The following TNIP3 variants were observed in gnomAD, a reference collection of about 807,000 sequenced individuals.
TNIP3 encodes the protein TNFAIP3 interacting protein 3.
In TNIP3, 34 loss-of-function variants were observed where a neutral mutation model predicts 54.1. That is an observed-to-expected ratio of 0.63 (90% CI 0.48 to 0.84). TNIP3 has a LOEUF of 0.84. Among genes scored for constraint, TNIP3 ranks in the 40% least tolerant of loss-of-function variants. TNIP3 has a pLI of 0.00. For missense variants in TNIP3, 366 were observed against 387.6 expected (o/e 0.94, Z 0.47); for synonymous variants, 134 against 136.8 (o/e 0.98, Z 0.14).
At chr4:121,206,940 A>T (rs1410875524) in intron 2 of TNIP3, among the ~76,000 whole-genome samples, 1 of 152,186 alleles carries the variant, frequency 6.6e-6, no homozygotes, top group African/African-American at 2.4e-5. Flanking sequence ...GGAGTTGTAC[A>T]TGAATTCAAA....
chr4:121,224,264 G>A (rs918571036), intron 1 of TNIP3, among the ~76,000 whole-genome samples: 2 of 152,044 alleles, frequency 1.3e-5, no homozygotes, highest in African/African-American at 4.8e-5. Context: ...TTGGGAGGCT[G>A]AGACAGGAGA....
At chr4:121,172,671 T>C (rs1389368709) in intron 3 of TNIP3, among the ~76,000 whole-genome samples, 1 of 152,240 alleles carries the variant, frequency 6.6e-6, no homozygotes, top group African/African-American at 2.4e-5. Context: ...ATGCTACATC[T>C]GGCAACTCTA....
At chr4:121,157,982 T>A (rs1054460907) in intron 3 of TNIP3, among the ~76,000 whole-genome samples, 1 of 152,198 alleles carries the variant, frequency 6.6e-6, no homozygotes, top group African/African-American at 2.4e-5. Flanking sequence ...ATTCAATACT[T>A]CTGGGTAACA....
intron 2 of TNIP3, among the ~76,000 whole-genome samples, chr4:121,201,217 C>T (rs986987923): frequency 6.6e-6 from 1 of 152,086 alleles, no homozygotes; most frequent in African/African-American, 2.4e-5. Flanking sequence ...AAGGGGACAA[C>T]TGAGTGGCCA....
intron 2 of TNIP3, among the ~76,000 whole-genome samples, chr4:121,197,443 G>A (rs1232063087): frequency 1.3e-5 from 2 of 150,970 alleles, no homozygotes; most frequent in South Asian, 2.1e-4. Flanking sequence ...CAGGGGAATC[G>A]CTTGAGCTTG....
chr4:121,201,942 G>C (rs991300284), intron 2 of TNIP3, among the ~76,000 whole-genome samples: 3 of 152,050 alleles, frequency 2.0e-5, no homozygotes, highest in African/African-American at 7.2e-5. Context: ...GCCCATGCTC[G>C]TGGATGGGTA....
At chr4:121,179,797 G>GA (rs1401100175) in intron 3 of TNIP3, among the ~76,000 whole-genome samples, 1 of 149,170 alleles carries the variant, frequency 6.7e-6, no homozygotes, top group Non-Finnish European at 1.5e-5. Context: ...CACCAGCATA[G>GA]AAAATGTGTG....
At chr4:121,156,980 C>T (rs1165663830) in intron 4 of TNIP3, 114 bp downstream of exon 4, 16 of 1,380,402 alleles carry the variant, frequency 1.2e-5, no homozygotes, top group Non-Finnish European at 1.6e-5. Context: ...GCACATCGGT[C>T]GTTGCTCAGT....
intron 2 of TNIP3, among the ~76,000 whole-genome samples, chr4:121,210,036 A>G (rs540933084): frequency 1.4e-4 from 21 of 152,290 alleles, no homozygotes; most frequent in Middle Eastern, 6.8e-3. Flanking sequence ...ATTTGAACTC[A>G]GGGAGTCTGA....
chr4:121,142,754 T>A lies in TNIP3; in HGVS notation c.758A>T (p.Lys253Ile). 6.2e-7 allele frequency: 1 copy of A among 1,612,674 alleles called. No individual in the cohort carries two copies. Among genetic ancestry groups the A allele is most frequent in the African/African-American group, 1.3e-5 (1 of 75,020 alleles). ...NSQIKACQME[K>I]EKLEKQLKQM... ...TTTTAATTGCTTTTCTAGTTTTTCT[T>A]TCTCCATCTGACAAGCTTTTATCTA... The change falls in exon 8 of 11, where the codon AAA becomes ATA. Residue 253 changes from lysine to isoleucine, a missense_variant. Lys to Ile is a moderately radical substitution (Grantham distance 102, BLOSUM62 -3). Transcript: ENST00000057513.
intron 3 of TNIP3, among the ~76,000 whole-genome samples, chr4:121,173,752 C>A (rs1328453603): frequency 2.0e-5 from 3 of 152,118 alleles, no homozygotes; most frequent in Non-Finnish European, 4.4e-5. Context: ...TCTCAGCTTC[C>A]CGAGCAGCTG....
chr4:121,161,251 A>C (rs778402002), intron 1 of TNIP3, 35 bp from the exon 2 acceptor site: 1 of 1,518,956 alleles, frequency 6.6e-7, no homozygotes, highest in Non-Finnish European at 8.8e-7. Context: ...ATTGAAACAA[A>C]GCTGTTTACA....
chr4:121,173,501 G>A (rs1297657190), intron 3 of TNIP3, among the ~76,000 whole-genome samples: 3 of 152,170 alleles, frequency 2.0e-5, no homozygotes, highest in Admixed American at 1.3e-4. Flanking sequence ...ACTGTAATCT[G>A]TGTTTGAGTT....
At position 121,155,578 on chromosome 4, in the gene TNIP3, T is replaced by C. The variant is rs72685936; in HGVS notation, c.364-899A>G. ...AATTTTAGATGACAATCTAAAATTG[T>C]CATCCAGAAGTGCAGTGTTTTAAAC... On this transcript the variant is annotated intron_variant, in intron 4 of 10. Coordinates refer to ENST00000057513, the MANE Select transcript of TNIP3 (RefSeq NM_024873.6). 9.7e-3 allele frequency among the ~76,000 whole-genome samples: 1,483 copies of C among 152,272 alleles called. 17 individuals are homozygous for C. The highest frequency in any genetic ancestry group is 0.028 in the South Asian group (134 of 4,818).
rs1193289988 is a variant in TNIP3 at position 121,154,812 on chromosome 4, C to A, written c.364-133G>T. The A allele has an allele frequency of 1.1e-5, 8 of 740,304 alleles. No homozygotes were observed. The East Asian group carries it at 2.0e-4, about 18-fold the overall frequency. 45.9% of individuals were successfully genotyped at this position (740,304 alleles called of 1,614,324 possible). A position where few individuals can be genotyped will look rare whatever the true frequency, so the allele number is the denominator to read the frequency against. ...CTTCTGAAATACAATAAAAACAGGA[C>A]CTGCAAGACTTTAAACTTAATGTTC... On this transcript the variant is annotated intron_variant, in intron 4 of 10. Coordinates refer to ENST00000057513, the MANE Select transcript of TNIP3 (RefSeq NM_024873.6).
chr4:121,142,080 A>G (rs981710277), intron 8 of TNIP3, among the ~76,000 whole-genome samples, 166 bp from the exon 9 acceptor site: 1 of 152,140 alleles, frequency 6.6e-6, no homozygotes, highest in Non-Finnish European at 1.5e-5. Context: ...ACCAATACAA[A>G]CGAGGCTCAC....
chr4:121,186,831 A>C (rs1169342729), intron 2 of TNIP3, among the ~76,000 whole-genome samples: 1 of 152,208 alleles, frequency 6.6e-6, no homozygotes, highest in African/African-American at 2.4e-5. Flanking sequence ...TATTCTCAAG[A>C]AGTTTAGTCA....
chr4:121,205,052 G>C (rs1347727372), intron 2 of TNIP3, among the ~76,000 whole-genome samples: 1 of 152,076 alleles, frequency 6.6e-6, no homozygotes, highest in African/African-American at 2.4e-5. Context: ...CCCATTTGTA[G>C]TAGTTCTTTG....
At chr4:121,220,945 T>G (rs1430294568), upstream of TNIP3, among the ~76,000 whole-genome samples, 2 of 152,098 alleles carry the variant, frequency 1.3e-5, no homozygotes, top group Admixed American at 1.3e-4. Context: ...CAAGTGGTGG[T>G]AGGGGCTGTG....
Sources: gnomAD v4.1 joint callset for allele counts (sites outside exome capture counted in the v4.1 genomes callset) on GRCh38, gnomAD v4.1.1 for gene constraint, MANE v1.5 for transcripts, NCBI Gene and HGNC (gene_info 2026-07-23, HGNC 2026-07-21) for gene names.